Variants in AGBL1 observed in about 807,000 individuals in gnomAD.
AGBL1 encodes the protein cytosolic carboxypeptidase 4.
AGBL1 carries 130 observed loss-of-function variants against 118.9 expected under a neutral mutation model. That is an observed-to-expected ratio of 1.09 (90% CI 0.95 to 1.26). The LOEUF is 1.26. Ranked by LOEUF, AGBL1 falls within the 50% of genes most tolerant of loss-of-function variation. The pLI, the probability that AGBL1 is intolerant of heterozygous loss-of-function variation, is 0.00. For missense variants in AGBL1, 1,584 were observed against 1,298.1 expected (o/e 1.22, Z -3.38); for synonymous variants, 555 against 478.9 (o/e 1.16, Z -2.08).
intron 16 of AGBL1, among the ~76,000 whole-genome samples, chr15:86,284,853 G>A (rs554238875): frequency 6.6e-6 from 1 of 152,346 alleles, no homozygotes; most frequent in South Asian, 2.1e-4. Flanking sequence ...GAGAGACACA[G>A]GATGAGGCTG....
intron 15 of AGBL1, among the ~76,000 whole-genome samples, chr15:86,278,036 T>C (rs1249835223): frequency 6.6e-6 from 1 of 152,172 alleles, no homozygotes; most frequent in Non-Finnish European, 1.5e-5. Context: ...AGAAAGCAAA[T>C]AAGAGGTAGA....
intron 18 of AGBL1, among the ~76,000 whole-genome samples, chr15:86,520,674 G>C (rs940785255): frequency 6.6e-6 from 1 of 152,092 alleles, no homozygotes; most frequent in Non-Finnish European, 1.5e-5. Flanking sequence ...AAGCAGAAAT[G>C]CTTTTAAAGG....
At chr15:86,746,188 C>G (rs1261145624) in intron 22 of AGBL1, among the ~76,000 whole-genome samples, 1 of 152,104 alleles carries the variant, frequency 6.6e-6, no homozygotes, top group Non-Finnish European at 1.5e-5. Flanking sequence ...CTCTTATTGA[C>G]AAGATGAAGT....
chr15:86,684,022 A>G (rs2086010162), intron 22 of AGBL1, among the ~76,000 whole-genome samples: 1 of 152,084 alleles, frequency 6.6e-6, no homozygotes, highest in Non-Finnish European at 1.5e-5. Flanking sequence ...TACTGGTGAG[A>G]GCAAATCTAC....
At chr15:86,142,264 G>A (rs778571687) in intron 2 of AGBL1, among the ~76,000 whole-genome samples, 197 bp downstream of exon 2, 6 of 152,166 alleles carry the variant, frequency 3.9e-5, no homozygotes, top group Non-Finnish European at 8.8e-5. Flanking sequence ...GCACTCCTCA[G>A]TCTTCTCACC....
intron 22 of AGBL1, among the ~76,000 whole-genome samples, chr15:86,818,204 A>C (rs1299068094): frequency 6.6e-6 from 1 of 152,154 alleles, no homozygotes; most frequent in Non-Finnish European, 1.5e-5. Context: ...CACATTTAAC[A>C]CATTTCTGTT....
At chr15:86,103,191 A>G (rs1191575404) in intron 1 of AGBL1, among the ~76,000 whole-genome samples, 1 of 152,068 alleles carries the variant, frequency 6.6e-6, no homozygotes, top group Non-Finnish European at 1.5e-5. Context: ...TGTCATTTAT[A>G]TCCTGAATTG....
chr15:86,184,429 C>CTTTTTTTTT (rs199807402), intron 5 of AGBL1, among the ~76,000 whole-genome samples: 4 of 144,490 alleles, frequency 2.8e-5, no homozygotes, highest in African/African-American at 5.0e-5. Flanking sequence ...TTTCTTTTTT[C>CTTTTTTTTT]TTTCTTTTTT....
At chr15:86,969,870 G>A (rs931996652) in intron 23 of AGBL1, among the ~76,000 whole-genome samples, 1 of 151,876 alleles carries the variant, frequency 6.6e-6, no homozygotes, top group South Asian at 2.1e-4. Context: ...ACCTCACTGA[G>A]GAATGTGGGA....
chr15:86,628,413 G>T (rs535008967), intron 21 of AGBL1, among the ~76,000 whole-genome samples: 1 of 152,158 alleles, frequency 6.6e-6, no homozygotes, highest in Non-Finnish European at 1.5e-5. Context: ...CAAGATGAGG[G>T]TCTTACCTAG....
chr15:86,723,523 G>A (rs538481826), intron 22 of AGBL1, among the ~76,000 whole-genome samples: 1 of 152,252 alleles, frequency 6.6e-6, no homozygotes, highest in Non-Finnish European at 1.5e-5. Context: ...GGTGAGGGGG[G>A]AGGGATAACA....
At chr15:86,542,436 G>A (rs551313235) in intron 19 of AGBL1, among the ~76,000 whole-genome samples, 3 of 146,284 alleles carry the variant, frequency 2.1e-5, no homozygotes, top group South Asian at 2.1e-4. Flanking sequence ...GCACGATCTC[G>A]GCTCACTGCA....
At chr15:86,336,911 C>T (rs1468928256) in intron 17 of AGBL1, among the ~76,000 whole-genome samples, 1 of 152,178 alleles carries the variant, frequency 6.6e-6, no homozygotes, top group Non-Finnish European at 1.5e-5. Context: ...TTGCCATCTA[C>T]TTCTTCATGT....
chr15:86,169,195 C>T (rs192926549), intron 5 of AGBL1, among the ~76,000 whole-genome samples: 2 of 152,280 alleles, frequency 1.3e-5, no homozygotes, highest in East Asian at 1.9e-4. Context: ...AGGTGCATAG[C>T]ATTTGTAGGA....
At chr15:86,898,740 T>C (rs1467715508) in intron 22 of AGBL1, among the ~76,000 whole-genome samples, 2 of 151,886 alleles carry the variant, frequency 1.3e-5, no homozygotes, top group East Asian at 3.9e-4. Flanking sequence ...CGTGAACAGA[T>C]ACTTTTCAAA....
chr15:86,738,441 G>A (rs1452443), intron 22 of AGBL1, among the ~76,000 whole-genome samples: 93,218 of 151,922 alleles, frequency 0.61, 29,124 homozygotes, highest in Admixed American at 0.69. Flanking sequence ...AAGTCAAATT[G>A]TCCCTCTTGC....
intron 22 of AGBL1, among the ~76,000 whole-genome samples, chr15:86,815,377 T>C (rs2078844244): frequency 6.6e-6 from 1 of 152,184 alleles, no homozygotes; most frequent in Non-Finnish European, 1.5e-5. Flanking sequence ...TCTAGTGTGG[T>C]GTTGGTGTTC....
At chr15:86,556,937 G>A (rs1452108913) in intron 21 of AGBL1, among the ~76,000 whole-genome samples, 3 of 152,142 alleles carry the variant, frequency 2.0e-5, no homozygotes, top group Non-Finnish European at 4.4e-5. Context: ...TGATTTGTAA[G>A]TATTGAAATG....
chr15:86,636,576 A>T (rs1313360372), intron 21 of AGBL1, among the ~76,000 whole-genome samples: 1 of 150,006 alleles, frequency 6.7e-6, no homozygotes. Context: ...TTCCCTTATG[A>T]AATACATTTT....
Sources: allele counts gnomAD v4.1 joint callset (sites outside exome capture counted in the v4.1 genomes callset), GRCh38; gene constraint gnomAD v4.1.1; transcripts MANE v1.5; gene names NCBI Gene and HGNC (gene_info 2026-07-23, HGNC 2026-07-21).